SNTG2: variants seen among roughly 807,000 people sequenced by gnomAD.
SNTG2 encodes the protein syntrophin gamma 2, also known as gamma-2-syntrophin.
Under a neutral mutation model 70.9 loss-of-function variants are expected in SNTG2, and 74 were observed. The observed-to-expected ratio is 1.04, with a 90% CI of 0.86 to 1.27. The LOEUF (loss-of-function observed/expected upper bound fraction) is 1.27, where lower values mean the gene tolerates loss of function less well. SNTG2 is among the 50% of genes most tolerant of loss of function. SNTG2 has a pLI of 0.00. For missense variants in SNTG2, 717 were observed against 690.7 expected (o/e 1.04, Z -0.43); for synonymous variants, 278 against 273.8 (o/e 1.02, Z -0.15).
chr2:1,296,314 A>T (rs1680212821), intron 14 of SNTG2, among the ~76,000 whole-genome samples: 1 of 152,234 alleles, frequency 6.6e-6, no homozygotes, highest in Non-Finnish European at 1.5e-5. Flanking sequence ...TATATTTATT[A>T]ATCATTTGAT....
At chr2:1,303,669 C>A (rs1473641180) in intron 14 of SNTG2, among the ~76,000 whole-genome samples, 1 of 152,002 alleles carries the variant, frequency 6.6e-6, no homozygotes, top group African/African-American at 2.4e-5. Context: ...AAACAAAGAG[C>A]TGTTTCTTTG....
At chr2:1,199,470 A>G (rs1673146536) in intron 8 of SNTG2, among the ~76,000 whole-genome samples, 1 of 152,060 alleles carries the variant, frequency 6.6e-6, no homozygotes, top group Non-Finnish European at 1.5e-5. Context: ...TAAGACAAAG[A>G]TGCCCACTTT....
intron 15 of SNTG2, among the ~76,000 whole-genome samples, chr2:1,312,807 T>C (rs555723944): frequency 1.7e-4 from 26 of 152,304 alleles, no homozygotes; most frequent in African/African-American, 5.1e-4. Flanking sequence ...AGGAACAGGA[T>C]TCCTGTGGGG....
chr2:1,182,574 A>G (rs1337099510), intron 8 of SNTG2, among the ~76,000 whole-genome samples: 1 of 152,210 alleles, frequency 6.6e-6, no homozygotes, highest in Non-Finnish European at 1.5e-5. Flanking sequence ...ATCCGAGAGG[A>G]AAGATTGCCT....
chr2:1,151,100 CA>C (rs1200067433), intron 6 of SNTG2, among the ~76,000 whole-genome samples: 5 of 152,198 alleles, frequency 3.3e-5, no homozygotes, highest in Non-Finnish European at 7.3e-5. Context: ...GTATGACGAA[CA>C]GTGGAAAGTA....
intron 11 of SNTG2, among the ~76,000 whole-genome samples, chr2:1,244,197 T>C (rs150369228): frequency 0.011 from 1,716 of 152,350 alleles, 29 homozygotes; most frequent in African/African-American, 0.039. Flanking sequence ...TTCGTGAATT[T>C]TAAAGACTCT....
chr2:1,230,867 A>G (rs1676176044), intron 9 of SNTG2, among the ~76,000 whole-genome samples: 1 of 152,140 alleles, frequency 6.6e-6, no homozygotes, highest in East Asian at 1.9e-4. Flanking sequence ...TAGATCTGAA[A>G]CATAAGTTAC....
intron 1 of SNTG2, among the ~76,000 whole-genome samples, chr2:1,031,528 A>ATATATATATATATATATTTTTTTT: frequency 2.4e-4 from 14 of 59,112 alleles, no homozygotes; most frequent in Admixed American, 4.2e-4. Context: ...ATATATATAT[A>ATATATATATATATATATTTTTTTT]TTTTTTTTTT....
intron 9 of SNTG2, among the ~76,000 whole-genome samples, chr2:1,224,996 C>T (rs1675675917): frequency 6.6e-6 from 1 of 152,154 alleles, no homozygotes; most frequent in Admixed American, 6.5e-5. Flanking sequence ...AAGCAGTGGC[C>T]ATTCACGTGG....
At chr2:986,051 C>T (rs1159688832) in intron 1 of SNTG2, among the ~76,000 whole-genome samples, 2 of 144,722 alleles carry the variant, frequency 1.4e-5, no homozygotes, top group East Asian at 2.1e-4. Context: ...GGGAAAAATA[C>T]ATTCCCTGCA....
chr2:998,703 G>C (rs1661773746), intron 1 of SNTG2, among the ~76,000 whole-genome samples: 1 of 152,026 alleles, frequency 6.6e-6, no homozygotes, highest in Non-Finnish European at 1.5e-5. Context: ...TAAAAGTTTG[G>C]AAAACATATC....
chr2:1,156,314 G>A (rs2147825532), intron 6 of SNTG2, among the ~76,000 whole-genome samples: 1 of 152,244 alleles, frequency 6.6e-6, no homozygotes, highest in Admixed American at 6.5e-5. Flanking sequence ...TGTTGGGGGG[G>A]ATGGGGAGAC....
intron 4 of SNTG2, chr2:1,102,423 G>GGTGAATTTGTAA (rs1198361564): frequency 1.3e-5 from 2 of 152,388 alleles, no homozygotes; most frequent in Non-Finnish European, 2.9e-5. Context: ...TGAATTTGTA[G>GGTGAATTTGTAA]ATAAGTGGCC....
At position 1,130,794 on chromosome 2, in the gene SNTG2, G is replaced by A. The variant is rs530523194; in HGVS notation, c.326-6828G>A. On this transcript the variant is annotated intron_variant, in intron 4 of 16. Coordinates refer to ENST00000308624, the MANE Select transcript of SNTG2 (RefSeq NM_018968.4). ...AGAGAAGCATTTTTCATGGCCCTTC[G>A]TGATGAGTCGGTCATCACTGGGTAC... Among the ~76,000 whole-genome samples the A allele has an allele frequency of 2.6e-5, 4 of 152,150 alleles. No homozygotes were observed. In the South Asian group the frequency reaches 6.2e-4, roughly 24 times the overall value.
intron 9 of SNTG2, among the ~76,000 whole-genome samples, chr2:1,216,726 G>C (rs1327410113): frequency 1.3e-5 from 2 of 152,228 alleles, no homozygotes; most frequent in Middle Eastern, 3.2e-3. Context: ...TGTGTGAACA[G>C]TAGTAATGTG....
At chr2:1,211,750 C>T (rs532637583) in intron 9 of SNTG2, among the ~76,000 whole-genome samples, 1 of 152,244 alleles carries the variant, frequency 6.6e-6, no homozygotes, top group East Asian at 1.9e-4. Flanking sequence ...ATTCAATTAC[C>T]TCCCACCAGG....
chr2:974,537 C>T (rs989628888), intron 1 of SNTG2, among the ~76,000 whole-genome samples: 4 of 152,182 alleles, frequency 2.6e-5, no homozygotes, highest in Non-Finnish European at 5.9e-5. Context: ...GGGTGTCCTC[C>T]CTGCCTCAGT....
intron 16 of SNTG2, among the ~76,000 whole-genome samples, chr2:1,321,930 C>CTCCT (rs897076795): frequency 2.7e-5 from 4 of 150,770 alleles, no homozygotes; most frequent in African/African-American, 9.8e-5. Context: ...CCTTCCTTCT[C>CTCCT]TCCTTCCTTC....
chr2:1,367,535 G>A lies in SNTG2; in HGVS notation c.*61G>A. 6.6e-7 allele frequency: 1 copy of A among 1,519,936 alleles called. No homozygotes were observed. Among genetic ancestry groups the A allele is most frequent in the Non-Finnish European group, 8.9e-7 (1 of 1,126,370 alleles). The allele number at this position is 1,519,936 out of a possible 1,614,324, so 94.2% of individuals were successfully genotyped here. A position where few individuals can be genotyped will look rare whatever the true frequency, so the allele number is the denominator to read the frequency against. ...TTTTCGTAAGAAATGATTCTTTCCTGCAGAATATTGCAACTTTGTGTTGTT... is the reference window on the plus strand; with the variant it reads ...TTTTCGTAAGAAATGATTCTTTCCTACAGAATATTGCAACTTTGTGTTGTT... On this transcript the variant is annotated 3_prime_UTR_variant, in exon 17 of 17. Transcript: ENST00000308624.
Sources: allele counts gnomAD v4.1 joint callset (sites outside exome capture counted in the v4.1 genomes callset), GRCh38; gene constraint gnomAD v4.1.1; transcripts MANE v1.5; gene names NCBI Gene and HGNC (gene_info 2026-07-23, HGNC 2026-07-21).